CAP2: variants seen among roughly 807,000 people sequenced by gnomAD.
CAP2 encodes the protein cyclase associated actin cytoskeleton regulatory protein 2, also known as adenylyl cyclase-associated protein 2.
A neutral mutation model predicts 57.7 loss-of-function variants in CAP2; 24 were observed. The ratio of observed to expected loss-of-function variants is 0.42; its 90% CI spans 0.30 to 0.58. CAP2 has a LOEUF of 0.58. Ranked by LOEUF, CAP2 falls within the 20% of genes least tolerant of loss-of-function variation. CAP2 has a pLI of 0.22. For synonymous variants in CAP2, 194 were observed against 207.2 expected, an observed-to-expected ratio of 0.94 and a Z score of 0.55; for missense variants, 501 against 590.3, an observed-to-expected ratio of 0.85 and a Z score of 1.57.
At chr6:17,435,699 A>G (rs1165529489) in intron 3 of CAP2, among the ~76,000 whole-genome samples, 241 of 147,666 alleles carry the variant, frequency 1.6e-3, no homozygotes, top group African/African-American at 5.4e-3. Context: ...AAAAAAAAAA[A>G]AAAAAGAAGT....
At chr6:17,523,618 A>G (rs1387726949) in intron 7 of CAP2, among the ~76,000 whole-genome samples, 1 of 152,198 alleles carries the variant, frequency 6.6e-6, no homozygotes, top group East Asian at 1.9e-4. Context: ...AGATAGGAGA[A>G]CTAGAAGAAT....
Position 17,515,202 on chromosome 6 carries a change from A to G in CAP2, c.636+1248A>G, listed in dbSNP as rs530530138. On this transcript the variant is annotated intron_variant, in intron 7 of 12. Transcript: ENST00000229922. ...ACAGAGCAAGACTCTGTCTCAAAAA[A>G]AAAAAAAATGTGTGATAGAAATTGA... 2.0e-5 allele frequency among the ~76,000 whole-genome samples: 3 copies of G among 152,238 alleles called. No homozygotes were observed. The East Asian group carries it at 5.8e-4, about 29-fold the overall frequency.
intron 2 of CAP2, among the ~76,000 whole-genome samples, chr6:17,423,676 T>C (rs1247919565): frequency 6.6e-6 from 1 of 152,192 alleles, no homozygotes; most frequent in Non-Finnish European, 1.5e-5. Context: ...AGGTACTAGA[T>C]TGAACTTGGT....
At chr6:17,499,966 T>C (rs541300592) in intron 4 of CAP2, among the ~76,000 whole-genome samples, 1 of 152,114 alleles carries the variant, frequency 6.6e-6, no homozygotes, top group Admixed American at 6.5e-5. Flanking sequence ...TCAAGTCTTA[T>C]AAAGATGTAA....
At chr6:17,423,119 C>T (rs149483146) in intron 2 of CAP2, among the ~76,000 whole-genome samples, 21 of 152,204 alleles carry the variant, frequency 1.4e-4, no homozygotes, top group Non-Finnish European at 2.6e-4. Context: ...TGAGAAAAGC[C>T]GTGGGGAAGA....
intron 4 of CAP2, among the ~76,000 whole-genome samples, chr6:17,479,088 G>A (rs996629334): frequency 1.3e-5 from 2 of 152,136 alleles, no homozygotes; most frequent in Non-Finnish European, 2.9e-5. Flanking sequence ...GGTGGGGTCC[G>A]TCACTCATCT....
At chr6:17,435,715 G>A (rs1297834838) in intron 3 of CAP2, among the ~76,000 whole-genome samples, 9 of 121,610 alleles carry the variant, frequency 7.4e-5, no homozygotes, top group Non-Finnish European at 8.3e-5. Flanking sequence ...GAAGTTTACG[G>A]ATAAAAAAAA....
chr6:17,553,382 C>T (rs955527540), intron 12 of CAP2, among the ~76,000 whole-genome samples: 1 of 152,180 alleles, frequency 6.6e-6, no homozygotes, highest in Non-Finnish European at 1.5e-5. Flanking sequence ...CCTGTAAATG[C>T]CAGCACTTTG....
At chr6:17,456,825 C>G (rs142594158) in intron 3 of CAP2, among the ~76,000 whole-genome samples, 142 of 152,270 alleles carry the variant, frequency 9.3e-4, no homozygotes, top group African/African-American at 3.2e-3. Flanking sequence ...GCCTTTCCCC[C>G]CGTTGTGCCT....
intron 1 of CAP2, among the ~76,000 whole-genome samples, chr6:17,406,398 C>CTTTTTTTTTCTTTTTTT (rs1758970331): frequency 1.2e-4 from 12 of 102,476 alleles, no homozygotes; most frequent in Non-Finnish European, 2.1e-4. Context: ...GCCCAGATTT[C>CTTTTTTTTTCTTTTTTT]TTTTTTTTTT....
chr6:17,439,877 T>A (rs769326640), intron 3 of CAP2, among the ~76,000 whole-genome samples: 12 of 151,492 alleles, frequency 7.9e-5, no homozygotes, highest in Non-Finnish European at 1.6e-4. Flanking sequence ...CCCCACTTCC[T>A]AACAGGCCAT....
At chr6:17,426,187 T>C (rs543902991) in intron 2 of CAP2, among the ~76,000 whole-genome samples, 1 of 151,538 alleles carries the variant, frequency 6.6e-6, no homozygotes, top group Non-Finnish European at 1.5e-5. Context: ...AAATTGATGA[T>C]ATTAAACTTC....
intron 3 of CAP2, among the ~76,000 whole-genome samples, chr6:17,442,156 G>A (rs1485950790): frequency 6.6e-6 from 1 of 152,108 alleles, no homozygotes; most frequent in Non-Finnish European, 1.5e-5. Flanking sequence ...ATCCTCACTG[G>A]AGTTGCTGAA....
intron 4 of CAP2, among the ~76,000 whole-genome samples, chr6:17,478,030 C>A (rs1202299068): frequency 2.7e-5 from 4 of 147,692 alleles, no homozygotes; most frequent in Non-Finnish European, 6.0e-5. Flanking sequence ...AATTATATAT[C>A]ATTAATAATA....
At chr6:17,547,038 C>G (rs570632621) in intron 11 of CAP2, among the ~76,000 whole-genome samples, 138 of 152,236 alleles carry the variant, frequency 9.1e-4, no homozygotes, top group Non-Finnish European at 1.1e-3. Context: ...ACACCAATAA[C>G]AGACAAACAG....
intron 3 of CAP2, among the ~76,000 whole-genome samples, chr6:17,434,198 T>C (rs989982663): frequency 6.6e-6 from 1 of 151,950 alleles, no homozygotes; most frequent in Non-Finnish European, 1.5e-5. Flanking sequence ...TTTTTAGTAA[T>C]TTAATTTCTT....
At chr6:17,511,666 C>A (rs953585905) in intron 6 of CAP2, among the ~76,000 whole-genome samples, 1 of 152,122 alleles carries the variant, frequency 6.6e-6, no homozygotes, top group African/African-American at 2.4e-5. Context: ...GTTGGTCAGG[C>A]TGGTCTCAAA....
intron 7 of CAP2, among the ~76,000 whole-genome samples, chr6:17,517,456 T>C (rs1204458314): frequency 1.3e-5 from 2 of 152,368 alleles, no homozygotes; most frequent in South Asian, 4.1e-4. Context: ...GAATACTTAT[T>C]ATGTTCAAGC....
intron 11 of CAP2, 77 bp downstream of exon 11, chr6:17,543,220 A>G: frequency 8.2e-7 from 1 of 1,216,230 alleles, no homozygotes; most frequent in Non-Finnish European, 1.2e-6. Context: ...AGCCTTTCCA[A>G]CCACGCTGTA....
Sources: gnomAD v4.1 joint callset for allele counts (sites outside exome capture counted in the v4.1 genomes callset) on GRCh38, gnomAD v4.1.1 for gene constraint, MANE v1.5 for transcripts, NCBI Gene and HGNC (gene_info 2026-07-23, HGNC 2026-07-21) for gene names.